OGA: variants seen among roughly 807,000 people sequenced by gnomAD.
OGA encodes the protein protein O-GlcNAcase.
Under a neutral mutation model 102.0 loss-of-function variants are expected in OGA, and 21 were observed. That is an observed-to-expected ratio of 0.21 (90% CI 0.15 to 0.30). The LOEUF (loss-of-function observed/expected upper bound fraction) is 0.30, where lower values mean the gene tolerates loss of function less well. OGA is among the 10% of genes least tolerant of loss of function. OGA has a pLI of 1.00. For synonymous variants in OGA, 408 were observed against 378.2 expected (o/e 1.08, Z -0.91); for missense variants, 765 against 1,107.8 (o/e 0.69, Z 4.39).
At chr10:101,816,788 AAAG>A (rs1406481835) in intron 1 of OGA, among the ~76,000 whole-genome samples, 4 of 152,140 alleles carry the variant, frequency 2.6e-5, no homozygotes, top group African/African-American at 9.7e-5. Flanking sequence ...CCATTTTTCG[AAAG>A]AATACTCTAA....
Position 101,817,986 on chromosome 10 carries a change from G to A in OGA, c.37C>T (p.Arg13Trp). The change falls in exon 1 of 16, where the codon CGG becomes TGG. Residue 13 changes from arginine to tryptophan, a missense_variant. By Grantham distance (101) the Arg-to-Trp change is moderately radical (BLOSUM62 -3). Around this residue, in one of 7 missense-constraint regions of OGA, gnomAD observed 117 missense variants for 85.7 expected, o/e 1.36. Coordinates refer to ENST00000361464, the MANE Select transcript of OGA (RefSeq NM_012215.5). ...GGGTTGGAGCTGAGCTCGCTCTCCCGCTCCTCCAACGTCGCTTGACTCTCC... is the reference window on the plus strand; with the variant it reads ...GGGTTGGAGCTGAGCTCGCTCTCCCACTCCTCCAACGTCGCTTGACTCTCC... ...QKESQATLEE[R>W]ESELSSNPAA... 1 of 1,604,210 alleles carries A rather than the reference G, an allele frequency of 6.2e-7. No homozygotes were observed. The highest frequency in any genetic ancestry group is 8.5e-7 in the Non-Finnish European group (1 of 1,173,706).
chr10:101,791,591 T>G (rs1333921279), intron 12 of OGA, 152 bp from the exon 13 acceptor site: 9 of 621,354 alleles, frequency 1.4e-5, no homozygotes, highest in Non-Finnish European at 2.6e-5. Context: ...AAATAAAGAT[T>G]TATTCATTGA....
chr10:101,808,943 C>A (rs1480284530), intron 4 of OGA, among the ~76,000 whole-genome samples: 1 of 151,850 alleles, frequency 6.6e-6, no homozygotes, highest in Non-Finnish European at 1.5e-5. Context: ...GCACTCCAGC[C>A]TGGGCGACAG....
chr10:101,813,101 T>A lies in OGA; in HGVS notation c.278A>T (p.Tyr93Phe). ...GTAGTCATCTTTTGGGGCATACAAG[T>A]ATGTATTTAATTCCCATTTCTGGAG... ...RRLQKWELNTYLYAPKDDYKH... is the reference protein window; with the variant it reads ...RRLQKWELNTFLYAPKDDYKH... The change falls in exon 3 of 16, where the codon TAC (tyrosine) becomes TTC (phenylalanine). Residue 93 changes from tyrosine (Y) to phenylalanine (F), a missense_variant. Tyr to Phe is a conservative substitution (Grantham distance 22, BLOSUM62 3). Around this residue, in one of 7 missense-constraint regions of OGA, gnomAD observed 165 missense variants for 249.7 expected, o/e 0.66. Coordinates refer to ENST00000361464, the MANE Select transcript of OGA (RefSeq NM_012215.5). 1 of 1,612,380 alleles carries A rather than the reference T, an allele frequency of 6.2e-7. No homozygotes were observed. Among genetic ancestry groups the A allele is most frequent in the East Asian group, 2.2e-5 (1 of 44,820 alleles).
chr10:101,815,523 A>T (rs1316219937), intron 1 of OGA, among the ~76,000 whole-genome samples: 1 of 152,062 alleles, frequency 6.6e-6, no homozygotes, highest in Non-Finnish European at 1.5e-5. Context: ...TGACCTCGTG[A>T]TCCGCCCGCC....
chr10:101,807,761 T>G lies in OGA; in HGVS notation c.621A>C (p.Gly207=). ...GACAGAAGAGGAAAGTTTCTGGCTC[T>G]CCTAGGTACTGATAGATTTCATTTG... The part of the protein sequence containing the change: ...SITNEIYQYL[G]EPETFLFCPT... Residue 207 remains glycine, a synonymous_variant, in exon 5 of 16, where the codon GGA becomes GGC. Coordinates refer to ENST00000361464, the MANE Select transcript of OGA (RefSeq NM_012215.5). 1 of 1,602,892 alleles carries G rather than the reference T, an allele frequency of 6.2e-7. No homozygotes were observed. Among genetic ancestry groups the G allele is most frequent in the Non-Finnish European group, 8.5e-7 (1 of 1,176,320 alleles).
intron 14 of OGA, among the ~76,000 whole-genome samples, chr10:101,790,689 C>G (rs1214411082): frequency 6.6e-6 from 1 of 152,174 alleles, no homozygotes; most frequent in Non-Finnish European, 1.5e-5. Context: ...AAATAAAAAA[C>G]TGTCCCAATA....
chr10:101,804,747 T>C (rs2065444701), intron 6 of OGA, among the ~76,000 whole-genome samples: 1 of 150,434 alleles, frequency 6.6e-6, no homozygotes, highest in Non-Finnish European at 1.5e-5. Context: ...TGCCCCACCA[T>C]GTCACAGTAA....
chr10:101,800,272 G>C lies in OGA; in HGVS notation c.1165C>G (p.Gln389Glu), dbSNP rs766751944. ...TATTGATGAGGCACACCAAACTCTT[G>C]CAACCATTCTGTTAATGCTAGCTTT... ...ALKLALTEWL[Q>E]EFGVPHQYSS... The change falls in exon 8 of 16, where the codon CAA (glutamine) becomes GAA (glutamate). Residue 389 changes from glutamine to glutamate, a missense_variant. Transcript: ENST00000361464. 6 of 1,613,952 alleles carry C rather than the reference G, an allele frequency of 3.7e-6. No homozygotes were observed. In the East Asian group the frequency reaches 1.3e-4, roughly 36 times the overall value.
At chr10:101,806,207 G>C (rs998459247) in intron 5 of OGA, 64 bp from the exon 6 acceptor site, 52 of 1,046,994 alleles carry the variant, frequency 5.0e-5, no homozygotes, top group Non-Finnish European at 6.8e-5. Flanking sequence ...CTCTTTGTTT[G>C]TTTGTTTTCT....
intron 5 of OGA, among the ~76,000 whole-genome samples, chr10:101,807,237 T>A (rs1181899661): frequency 6.6e-6 from 1 of 152,084 alleles, no homozygotes. Context: ...ACTAAGAGAC[T>A]AAAATATTTT....
chr10:101,798,238 G>C, intron 9 of OGA, 84 bp from the exon 10 acceptor site: 1 of 1,303,926 alleles, frequency 7.7e-7, no homozygotes, highest in Non-Finnish European at 1.1e-6. Flanking sequence ...AGCTGCTTAT[G>C]TTGTCAGGTA....
rs1371457756 is a variant in OGA, at chr10:101,806,115, A to G, written c.681T>C (p.Asn227=). 3 of 1,610,524 alleles carry G rather than the reference A, an allele frequency of 1.9e-6. No individual in the cohort carries two copies. Among genetic ancestry groups the G allele is most frequent in the Non-Finnish European group, 2.5e-6 (3 of 1,176,744 alleles). ...TEYCGTFCYP[N]VSQSPYLRTV... The stretch of plus-strand genomic sequence containing the variant: ...TCCTTAAATATGGAGACTGAGACAC[A>G]TTTGGATAACAGAAAGTGCCACAGT... Residue 227 remains asparagine (N), a synonymous_variant, in exon 6 of 16, where the codon AAT becomes AAC. Coordinates refer to ENST00000361464, the MANE Select transcript of OGA (RefSeq NM_012215.5).
At chr10:101,795,025 T>C (rs778286130) in intron 10 of OGA, among the ~76,000 whole-genome samples, 7 of 152,220 alleles carry the variant, frequency 4.6e-5, no homozygotes, top group Non-Finnish European at 8.8e-5. Flanking sequence ...AGTTTGTATC[T>C]GGTTTGTCAT....
rs2065669805 is a variant in OGA at position 101,818,289 on chromosome 10, G to C, written c.-267C>G. 3.2e-6 allele frequency: 4 copies of C among 1,255,794 alleles called. No individual in the cohort carries two copies. The highest frequency in any genetic ancestry group is 4.0e-5 in the Admixed American group (1 of 24,780). The allele number at this position is 1,255,794 out of a possible 1,614,324, so 77.8% of individuals were successfully genotyped here. On this transcript the variant is annotated 5_prime_UTR_variant, in exon 1 of 16. Transcript: ENST00000361464. ...AAGCCTAAGCGGAGAGCGAGGCTGT[G>C]ACCTCTCGTTCCCTGGAAGAAGACG...
In OGA at chr10:101,818,241, TC is replaced by T; in HGVS notation, c.-220del. On this transcript the variant is annotated 5_prime_UTR_variant, in exon 1 of 16. Transcript: ENST00000361464. ...CGCGAGCCCTTTGTCAGCCGCAGCC[TC>T]GGCTTTAAGCTGGGGCGCCAGAAGC... 1 of 1,335,614 alleles carries T rather than the reference TC, an allele frequency of 7.5e-7. No individual in the cohort carries two copies. The highest frequency in any genetic ancestry group is 9.6e-7 in the Non-Finnish European group (1 of 1,046,382). The allele number at this position is 1,335,614 out of a possible 1,614,324, so 82.7% of individuals were successfully genotyped here.
At chr10:101,795,822 T>C in intron 10 of OGA, 1 of 796,660 alleles carries the variant, frequency 1.3e-6, no homozygotes, top group Non-Finnish European at 1.5e-6. Flanking sequence ...AAATAAAAAA[T>C]AAAAAAACTC....
At chr10:101,811,865 TTGAA>T (rs2065563151) in intron 3 of OGA, among the ~76,000 whole-genome samples, 1 of 152,196 alleles carries the variant, frequency 6.6e-6, no homozygotes, top group African/African-American at 2.4e-5. Flanking sequence ...AGACATATTT[TTGAA>T]TAATTTTCAG....
intron 14 of OGA, among the ~76,000 whole-genome samples, chr10:101,789,296 T>A (rs1659845903): frequency 6.6e-6 from 1 of 152,140 alleles, no homozygotes; most frequent in African/African-American, 2.4e-5. Context: ...GTCGGGAGTT[T>A]GAGACCAGCC....
Sources: gnomAD v4.1 joint callset for allele counts (sites outside exome capture counted in the v4.1 genomes callset) on GRCh38, gnomAD v4.1.1 for gene constraint, gnomAD v4.1.1 regional missense constraint, MANE v1.5 for transcripts, NCBI Gene and HGNC (gene_info 2026-07-23, HGNC 2026-07-21) for gene names.